The following FRMD3 variants were observed in gnomAD, a reference collection of about 807,000 sequenced individuals.
FRMD3 encodes the protein FERM domain containing 3, also known as FERM domain-containing protein 3.
FRMD3 carries 33 observed loss-of-function variants against 70.2 expected under a neutral mutation model. The observed-to-expected ratio is 0.47, with a 90% CI of 0.36 to 0.63. The LOEUF is 0.63. FRMD3 is among the 20% of genes least tolerant of loss of function. FRMD3 has a pLI of 0.00. For missense variants in FRMD3, 632 were observed against 711.4 expected, an observed-to-expected ratio of 0.89 and a Z score of 1.27; for synonymous variants, 279 against 255.9, an observed-to-expected ratio of 1.09 and a Z score of -0.86.
chr9:83,571,321 C>T, the FRMD3 span, among the ~76,000 whole-genome samples: 1 of 152,196 alleles, frequency 6.6e-6, no homozygotes, highest in Non-Finnish European at 1.5e-5. Context: ...TCTTGAACCA[C>T]CCAGCCACCA....
rs1021407208 is a variant in FRMD3, at chr9:83,416,778, T to A, written c.148-27070A>T. 4.6e-3 allele frequency among the ~76,000 whole-genome samples: 620 copies of A among 135,992 alleles called. 3 individuals are homozygous for A. Among genetic ancestry groups the A allele is most frequent in the African/African-American group, 0.014 (473 of 33,044 alleles). 89.2% of individuals were successfully genotyped at this position (135,992 alleles called of 152,430 possible). A position where few individuals can be genotyped will look rare whatever the true frequency, so the allele number is the denominator to read the frequency against. ...CTCTCTCTCTCTCTCTCTCTCTCTC[T>A]CTCTCTCTCACTCTCTCTCTCTCTT... On this transcript the variant is annotated intron_variant, in intron 1 of 13. Transcript: ENST00000304195.
chr9:83,255,855 AC>A (rs1205570405), intron 13 of FRMD3, among the ~76,000 whole-genome samples: 1 of 152,178 alleles, frequency 6.6e-6, no homozygotes, highest in East Asian at 1.9e-4. Context: ...ACTACAAACC[AC>A]TGCTCAAAGA....
At chr9:83,429,043 A>G (rs72745063) in intron 1 of FRMD3, among the ~76,000 whole-genome samples, 10,215 of 152,302 alleles carry the variant, frequency 0.067, 407 homozygotes, top group East Asian at 0.16. Flanking sequence ...AAAGCTAATT[A>G]AAATAATCTC....
intron 8 of FRMD3, 119 bp downstream of exon 8, chr9:83,311,768 C>G: frequency 2.6e-6 from 2 of 767,088 alleles, no homozygotes; most frequent in South Asian, 3.1e-5. Context: ...TGATGAAGCT[C>G]CAAGGCAAGG....
At chr9:83,267,290 A>G (rs896298210) in intron 13 of FRMD3, 3 of 1,472,030 alleles carry the variant, frequency 2.0e-6, no homozygotes, top group Admixed American at 4.4e-5. Flanking sequence ...ATAACTCATG[A>G]GGGATCAGCA....
chr9:83,418,924 T>A (rs1328031154), intron 1 of FRMD3, among the ~76,000 whole-genome samples: 1 of 152,214 alleles, frequency 6.6e-6, no homozygotes, highest in Admixed American at 6.5e-5. Flanking sequence ...TGTGTTTTTC[T>A]TATATATACA....
Position 83,310,476 on chromosome 9 carries a change from G to A in FRMD3, c.837+9C>T. 6.2e-7 allele frequency: 1 copy of A among 1,603,198 alleles called. No homozygotes were observed. The highest frequency in any genetic ancestry group is 8.5e-7 in the Non-Finnish European group (1 of 1,175,354). ...AATAACAGGCAGTTAAAAAAAAGCA[G>A]TATCTGACCTCCTTCTGGGTGCCAA... On this transcript the variant is annotated intron_variant, in intron 9 of 13. Coordinates refer to ENST00000304195, the MANE Select transcript of FRMD3 (RefSeq NM_174938.6).
intron 1 of FRMD3, among the ~76,000 whole-genome samples, chr9:83,501,171 G>A (rs1829059851): frequency 6.6e-6 from 1 of 152,084 alleles, no homozygotes; most frequent in South Asian, 2.1e-4. Flanking sequence ...ACTTCCTTCT[G>A]TAGTCCCAGC....
rs139438770 is a variant in FRMD3 at position 83,266,086 on chromosome 9, AAAGT to A, written c.1196-17574_1196-17571del. On this transcript the variant is annotated intron_variant, in intron 13 of 13. Transcript: ENST00000304195. ...TGGAAAGTCCTTCAAGTCATATGATAAAGTAAGAAAACTAATTCTGCAATAATAT... is the reference window on the plus strand; with the variant it reads ...TGGAAAGTCCTTCAAGTCATATGATAAAGAAAACTAATTCTGCAATAATAT... 1.6e-3 allele frequency among the ~76,000 whole-genome samples: 243 copies of A among 152,320 alleles called. 2 individuals carry two copies. The highest frequency in any genetic ancestry group is 5.5e-3 in the African/African-American group (228 of 41,578).
chr9:83,356,574 C>A (rs1183367386), intron 3 of FRMD3, among the ~76,000 whole-genome samples: 2 of 151,656 alleles, frequency 1.3e-5, no homozygotes, highest in African/African-American at 2.4e-5. Flanking sequence ...CCGCGCCCGG[C>A]CAGCAGCTTT....
chr9:83,403,370 C>T (rs951224584), intron 1 of FRMD3, among the ~76,000 whole-genome samples: 2 of 152,116 alleles, frequency 1.3e-5, no homozygotes, highest in African/African-American at 4.8e-5. Context: ...AAATGGGAGA[C>T]AGGCAGAAGG....
At chr9:83,480,832 A>T (rs1828552039) in intron 1 of FRMD3, among the ~76,000 whole-genome samples, 1 of 152,240 alleles carries the variant, frequency 6.6e-6, no homozygotes, top group Admixed American at 6.5e-5. Context: ...ATATGCAGAT[A>T]CAACCTATTT....
chr9:83,331,975 G>GCT lies in FRMD3; in HGVS notation c.596+3539_596+3540dup, dbSNP rs1823391032. ...CCGAAATGAAGCATGACCTTCCAGG[G>GCT]CTCTTTTCCTTGTGGCTCAACATCT... On this transcript the variant is annotated intron_variant, in intron 6 of 13. Coordinates refer to ENST00000304195, the MANE Select transcript of FRMD3 (RefSeq NM_174938.6). 5.8e-6 allele frequency: 4 copies of GCT among 692,188 alleles called. No individual in the cohort carries two copies. In the East Asian group the frequency reaches 1.1e-4, roughly 19 times the overall value. 42.9% of individuals were successfully genotyped at this position (692,188 alleles called of 1,614,324 possible).
intron 1 of FRMD3, among the ~76,000 whole-genome samples, chr9:83,513,240 G>T (rs1481748974): frequency 6.6e-6 from 1 of 152,166 alleles, no homozygotes; most frequent in Non-Finnish European, 1.5e-5. Context: ...ACACCTCAGT[G>T]GAGTTAGTAT....
At chr9:83,367,914 T>G (rs1824841995) in intron 3 of FRMD3, among the ~76,000 whole-genome samples, 1 of 152,212 alleles carries the variant, frequency 6.6e-6, no homozygotes, top group Non-Finnish European at 1.5e-5. Flanking sequence ...GTCTTCTCCC[T>G]CTTTTTTTCC....
chr9:83,311,736 A>T, intron 8 of FRMD3, 151 bp downstream of exon 8: 1 of 663,896 alleles, frequency 1.5e-6, no homozygotes, highest in Non-Finnish European at 2.6e-6. Context: ...ACCAAAGGCA[A>T]CCTAGATGTT....
upstream of FRMD3, among the ~76,000 whole-genome samples, chr9:83,541,943 T>TTAG (rs1219776530): frequency 6.6e-6 from 1 of 152,116 alleles, no homozygotes; most frequent in Non-Finnish European, 1.5e-5. Flanking sequence ...TTATTTTTTA[T>TTAG]TATTATTATT....
At position 83,538,112 on chromosome 9, in the gene FRMD3, G is replaced by A; in HGVS notation, c.120C>T (p.Asp40=). ...QEMRCTIRLL[D]DSEISCHIQR... Reference sequence around the variant, plus strand: ...GGATGTGGCAGGAGATCTCCGAGTCGTCCAGCAGCCGGATGGTGCATCTCA... The same window carrying A: ...GGATGTGGCAGGAGATCTCCGAGTCATCCAGCAGCCGGATGGTGCATCTCA... Residue 40 remains aspartate (D), a synonymous_variant, in exon 1 of 14, where the codon GAC becomes GAT. Coordinates refer to ENST00000304195, the MANE Select transcript of FRMD3 (RefSeq NM_174938.6). This position sits in a 1 kb window ranked among gnomAD's most constrained non-coding sequence, Gnocchi z 4.7. 1 of 1,613,314 alleles carries A rather than the reference G, an allele frequency of 6.2e-7. No homozygotes were observed. The highest frequency in any genetic ancestry group is 8.5e-7 in the Non-Finnish European group (1 of 1,179,630).
chr9:83,282,352 G>A (rs576262124), intron 13 of FRMD3, among the ~76,000 whole-genome samples: 3 of 152,158 alleles, frequency 2.0e-5, no homozygotes, highest in Admixed American at 6.5e-5. Context: ...TTTTATCATC[G>A]TCTAAAACGT....
Sources: allele counts gnomAD v4.1 joint callset (sites outside exome capture counted in the v4.1 genomes callset), GRCh38; gene constraint gnomAD v4.1.1; non-coding constraint Gnocchi (gnomAD v3.1); transcripts MANE v1.5; gene names NCBI Gene and HGNC (gene_info 2026-07-23, HGNC 2026-07-21).